TBC1D2B: variants seen among roughly 807,000 people sequenced by gnomAD.
TBC1D2B encodes the protein TBC1 domain family, member 2B.
A neutral mutation model predicts 100.8 loss-of-function variants in TBC1D2B; 64 were observed. That is an observed-to-expected ratio of 0.64 (90% CI 0.52 to 0.78). The LOEUF (loss-of-function observed/expected upper bound fraction) is 0.78. Among genes scored for constraint, TBC1D2B ranks in the 30% least tolerant of loss-of-function variants. The pLI, the probability that TBC1D2B is intolerant of heterozygous loss-of-function variation, is 0.00. For missense variants in TBC1D2B, 1,052 were observed against 1,218.4 expected (o/e 0.86, Z 2.03); for synonymous variants, 480 against 479.7 (o/e 1.00, Z -0.01).
At chr15:78,039,300 G>A (rs1406737789) in intron 3 of TBC1D2B, among the ~76,000 whole-genome samples, 1 of 152,214 alleles carries the variant, frequency 6.6e-6, no homozygotes, top group Non-Finnish European at 1.5e-5. Flanking sequence ...ACGAACTGGG[G>A]CTGAAGAGAG....
At chr15:78,021,511 T>A (rs2072515557) in intron 6 of TBC1D2B, among the ~76,000 whole-genome samples, 1 of 152,142 alleles carries the variant, frequency 6.6e-6, no homozygotes, top group African/African-American at 2.4e-5. Flanking sequence ...CCAGTGCCAC[T>A]GCAGAGGAGA....
chr15:77,999,381 C>T, intron 12 of TBC1D2B: 1 of 435,162 alleles, frequency 2.3e-6, no homozygotes, highest in Non-Finnish European at 4.7e-6. Flanking sequence ...TTCAAAACAC[C>T]CACTACTACC....
intron 2 of TBC1D2B, 111 bp from the exon 3 acceptor site, chr15:78,045,179 A>C: frequency 1.0e-6 from 1 of 977,472 alleles, no homozygotes. Context: ...ACTATGTAAT[A>C]GTATATTTTT....
chr15:78,077,281 G>T lies in TBC1D2B; in HGVS notation c.360+12C>A. The T allele has an allele frequency of 2.1e-6, 3 of 1,457,138 alleles. No homozygotes were observed. The highest frequency in any genetic ancestry group is 1.8e-6 in the Non-Finnish European group (2 of 1,107,796). 90.3% of individuals were successfully genotyped at this position (1,457,138 alleles called of 1,614,324 possible). On this transcript the variant is annotated intron_variant, in intron 1 of 12. Coordinates refer to ENST00000300584, the MANE Select transcript of TBC1D2B (RefSeq NM_144572.2). ...GGAAGCGCGCGGGCGGCTTTGGGGC[G>T]AGCGGTCCCACCTTGAGCACCGTGA...
At chr15:78,021,255 A>G (rs1357958494) in intron 6 of TBC1D2B, among the ~76,000 whole-genome samples, 2 of 152,152 alleles carry the variant, frequency 1.3e-5, no homozygotes, top group Non-Finnish European at 2.9e-5. Context: ...AAGAACAGCA[A>G]TAGCAAAAAA....
chr15:78,061,753 G>T (rs1314989277), intron 1 of TBC1D2B, among the ~76,000 whole-genome samples: 1 of 150,574 alleles, frequency 6.6e-6, no homozygotes, highest in Non-Finnish European at 1.5e-5. Context: ...TTAAATGAAT[G>T]AATTTAATAA....
rs149527172 is a variant in TBC1D2B at position 78,066,049 on chromosome 15, T to C, written c.360+11244A>G. The C allele has an allele frequency of 1.0e-3, 489 of 471,000 alleles. 2 individuals carry two copies. The highest frequency in any genetic ancestry group is 7.7e-3 in the African/African-American group (385 of 50,136). The allele number at this position is 471,000 out of a possible 1,614,324, so 29.2% of individuals were successfully genotyped here. A position where few individuals can be genotyped will look rare whatever the true frequency, so the allele number is the denominator to read the frequency against. On this transcript the variant is annotated intron_variant, in intron 1 of 12. Transcript: ENST00000300584. Reference sequence around the variant, plus strand: ...ACCAGCTCTTTGGTGGTGGTGATCATTGCAATTCACCCTCCCAGAAATACC... The same window carrying C: ...ACCAGCTCTTTGGTGGTGGTGATCACTGCAATTCACCCTCCCAGAAATACC...
intron 1 of TBC1D2B, among the ~76,000 whole-genome samples, chr15:78,060,303 T>C (rs1290573599): frequency 6.6e-6 from 1 of 151,948 alleles, no homozygotes; most frequent in Non-Finnish European, 1.5e-5. Flanking sequence ...GGGAAACAAG[T>C]TTATAATTAC....
chr15:78,031,794 A>G (rs2072822596), intron 3 of TBC1D2B, among the ~76,000 whole-genome samples: 1 of 152,140 alleles, frequency 6.6e-6, no homozygotes, highest in Admixed American at 6.6e-5. Flanking sequence ...AAAACTAAAG[A>G]ACTGAAAAAA....
chr15:78,006,242 T>C (rs1045216567), intron 10 of TBC1D2B, among the ~76,000 whole-genome samples: 3 of 152,202 alleles, frequency 2.0e-5, no homozygotes, highest in Non-Finnish European at 4.4e-5. Context: ...CATTGAGTCA[T>C]TTGATATTTT....
chr15:78,006,435 A>G (rs1051452085), intron 10 of TBC1D2B, among the ~76,000 whole-genome samples: 3 of 152,224 alleles, frequency 2.0e-5, no homozygotes, highest in African/African-American at 7.2e-5. Flanking sequence ...AATCACAGGG[A>G]GACCAGATGA....
intron 1 of TBC1D2B, chr15:78,066,074 C>T (rs777565897): frequency 3.8e-5 from 18 of 470,794 alleles, no homozygotes; most frequent in African/African-American, 1.2e-4. Context: ...CCAGAAATAC[C>T]GAAAGATGCC....
chr15:78,023,803 G>C (rs532893698), intron 6 of TBC1D2B, among the ~76,000 whole-genome samples: 1 of 152,326 alleles, frequency 6.6e-6, no homozygotes, highest in South Asian at 2.1e-4. Flanking sequence ...TGCAAATTAA[G>C]TTTGTGTGTG....
intron 3 of TBC1D2B, 53 bp from the exon 4 acceptor site, chr15:78,030,223 G>C (rs945430242): frequency 6.7e-7 from 1 of 1,494,320 alleles, no homozygotes; most frequent in African/African-American, 1.4e-5. Context: ...AAAACAAAAC[G>C]TAATCTCATG....
Position 78,025,274 on chromosome 15 carries a change from G to A in TBC1D2B, c.1071C>T (p.Asp357=). Reference sequence around the variant, plus strand: ...AAGAAGTTACCTTCTGACTGGACAGGTCTTTCTTTAACTGTTCCAGCTCTT... The same window carrying A: ...AAGAAGTTACCTTCTGACTGGACAGATCTTTCTTTAACTGTTCCAGCTCTT... ...QQEELEQLKK[D]LSSQKELVRL... Residue 357 remains aspartate (D), a synonymous_variant, in exon 5 of 13, where the codon GAC becomes GAT. Transcript: ENST00000300584. 6.2e-7 allele frequency: 1 copy of A among 1,613,588 alleles called. No individual in the cohort carries two copies. The highest frequency in any genetic ancestry group is 8.5e-7 in the Non-Finnish European group (1 of 1,179,812).
intron 3 of TBC1D2B, among the ~76,000 whole-genome samples, chr15:78,043,678 C>A (rs960721987): frequency 6.6e-6 from 1 of 152,086 alleles, no homozygotes; most frequent in African/African-American, 2.4e-5. Context: ...ATTATGCTAA[C>A]GGAAAGAAGC....
At chr15:78,043,216 T>A (rs2073124951) in intron 3 of TBC1D2B, among the ~76,000 whole-genome samples, 1 of 152,186 alleles carries the variant, frequency 6.6e-6, no homozygotes, top group South Asian at 2.1e-4. Context: ...GGCTACTTTT[T>A]AAAACAGTGT....
At chr15:78,042,154 C>T (rs537983165) in intron 3 of TBC1D2B, among the ~76,000 whole-genome samples, 31 of 152,314 alleles carry the variant, frequency 2.0e-4, no homozygotes, top group Non-Finnish European at 4.0e-4. Context: ...GCAGAAGTGA[C>T]AGGCGTTCAC....
At chr15:78,035,185 C>T (rs1174463790) in intron 3 of TBC1D2B, among the ~76,000 whole-genome samples, 4 of 152,206 alleles carry the variant, frequency 2.6e-5, no homozygotes, top group African/African-American at 9.6e-5. Context: ...AGCACCTTGT[C>T]AGGGGCAGTG....
Sources: gnomAD v4.1 joint callset for allele counts (sites outside exome capture counted in the v4.1 genomes callset) on GRCh38, gnomAD v4.1.1 for gene constraint, MANE v1.5 for transcripts, NCBI Gene and HGNC (gene_info 2026-07-23, HGNC 2026-07-21) for gene names.